Variants in ANO1 observed in about 807,000 individuals in gnomAD.
ANO1 encodes the protein anoctamin 1, also known as anoctamin-1.
ANO1 carries 59 observed loss-of-function variants against 124.0 expected under a neutral mutation model. That is an observed-to-expected ratio of 0.48 (90% confidence interval 0.39 to 0.59). The LOEUF (loss-of-function observed/expected upper bound fraction) is 0.59, where lower values mean the gene tolerates loss of function less well. Among genes scored for constraint, ANO1 ranks in the 20% least tolerant of loss-of-function variants. ANO1 has a pLI of 0.00. For synonymous variants in ANO1, 529 were observed against 532.0 expected (o/e 0.99, Z 0.08); for missense variants, 1,059 against 1,328.0 (o/e 0.80, Z 3.15).
At position 70,169,533 on chromosome 11, in the gene ANO1, C is replaced by T. The variant is rs1017106679; in HGVS notation, c.2198-1354C>T. On this transcript the variant is annotated intron_variant, in intron 21 of 25. Coordinates refer to ENST00000355303, the MANE Select transcript of ANO1 (RefSeq NM_018043.7). Reference sequence around the variant, plus strand: ...ATACCCTTAGTGCCAGAGTAGGCAGCGCCTCTCGGAAGTGAGGAAGCCCAC... The same window carrying T: ...ATACCCTTAGTGCCAGAGTAGGCAGTGCCTCTCGGAAGTGAGGAAGCCCAC... Among the ~76,000 whole-genome samples, 11 of 151,592 alleles carry T rather than the reference C, an allele frequency of 7.3e-5. No individual in the cohort carries two copies. In the Middle Eastern group the frequency reaches 0.01, roughly 141 times the overall value.
chr11:69,975,339 C>G, the ANO1 span, among the ~76,000 whole-genome samples: 1 of 152,226 alleles, frequency 6.6e-6, no homozygotes, highest in Non-Finnish European at 1.5e-5. Flanking sequence ...TGGACAGCCC[C>G]CCTCCCCAAA....
At chr11:70,152,956 C>A (rs1361921587) in intron 13 of ANO1, 101 bp from the exon 14 acceptor site, 3 of 996,106 alleles carry the variant, frequency 3.0e-6, no homozygotes, top group African/African-American at 3.2e-5. Flanking sequence ...CCAAAGGGTG[C>A]CCGAGGCTAA....
intron 1 of ANO1, among the ~76,000 whole-genome samples, chr11:69,999,854 G>A (rs1856348370): frequency 6.6e-6 from 1 of 152,196 alleles, no homozygotes; most frequent in African/African-American, 2.4e-5. Flanking sequence ...AGGCATTGGA[G>A]GCAGGAGGGA....
At chr11:70,052,195 C>T (rs1555006316) in intron 1 of ANO1, among the ~76,000 whole-genome samples, 1 of 152,258 alleles carries the variant, frequency 6.6e-6, no homozygotes, top group Non-Finnish European at 1.5e-5. Flanking sequence ...CTTTCCCACA[C>T]TGCACTACAG....
At chr11:70,147,557 C>T (rs1158334360) in intron 11 of ANO1, among the ~76,000 whole-genome samples, 4 of 152,210 alleles carry the variant, frequency 2.6e-5, no homozygotes, top group African/African-American at 4.8e-5. Flanking sequence ...TGGGGAGGCG[C>T]GTTCCCCAGG....
intron 1 of ANO1, among the ~76,000 whole-genome samples, chr11:69,988,375 AACTT>A (rs1242762595): frequency 1.3e-5 from 2 of 152,180 alleles, no homozygotes; most frequent in African/African-American, 4.8e-5. Context: ...GCCCTCGGCC[AACTT>A]ACTTAACCAC....
intron 2 of ANO1, among the ~76,000 whole-genome samples, chr11:70,101,248 G>T (rs187837676): frequency 6.6e-6 from 1 of 151,916 alleles, no homozygotes; most frequent in Admixed American, 6.6e-5. Context: ...CGAGGCTCTC[G>T]CTGGGTACAT....
At chr11:70,066,911 C>T (rs188555618) in intron 1 of ANO1, among the ~76,000 whole-genome samples, 7 of 152,246 alleles carry the variant, frequency 4.6e-5, no homozygotes, top group Middle Eastern at 3.4e-3. Flanking sequence ...TGCCTGTCCC[C>T]ACTCCCAGGC....
intron 11 of ANO1, among the ~76,000 whole-genome samples, chr11:70,139,167 A>AT (rs1250103444): frequency 1.3e-5 from 2 of 151,902 alleles, no homozygotes; most frequent in East Asian, 3.9e-4. Context: ...ATTCTTTTTT[A>AT]TTTTTTATCT....
chr11:70,162,340 G>A (rs1292283673), intron 18 of ANO1, among the ~76,000 whole-genome samples: 1 of 152,104 alleles, frequency 6.6e-6, no homozygotes, highest in Admixed American at 6.5e-5. Flanking sequence ...AGGGACTCCA[G>A]GCAGTGGGAA....
In ANO1 at chr11:70,087,864, C is replaced by T. The variant is rs1282388664; in HGVS notation, c.221C>T (p.Ser74Leu). Residue 74 changes from serine to leucine, a missense_variant, in exon 2 of 26, where the codon TCG becomes TTG. Ser to Leu is a moderately radical substitution (Grantham distance 145). Transcript: ENST00000355303. ...CTGGTGTACCATCACAAGAGGCCCT[C>T]GGGCAACCGGACCCTGGTCAGGAGG... ...YILVYHHKRP[S>L]GNRTLVRRVQ... The T allele has an allele frequency of 5.6e-6, 9 of 1,612,476 alleles. No homozygotes were observed. The highest frequency in any genetic ancestry group is 1.6e-4 in the Middle Eastern group (1 of 6,084).
intron 1 of ANO1, among the ~76,000 whole-genome samples, chr11:70,079,366 G>T (rs11233163): frequency 0.3 from 45,575 of 151,764 alleles, 7,173 homozygotes; most frequent in Admixed American, 0.33. Flanking sequence ...TCCCCTGGGC[G>T]CCCAGGCCTG....
intron 1 of ANO1, among the ~76,000 whole-genome samples, chr11:70,049,431 T>C (rs1857314111): frequency 6.6e-6 from 1 of 152,222 alleles, no homozygotes; most frequent in Non-Finnish European, 1.5e-5. Flanking sequence ...AAAGTTGTCT[T>C]GAAGATGACC....
chr11:70,045,744 G>T (rs2135067725), intron 1 of ANO1, among the ~76,000 whole-genome samples: 1 of 152,250 alleles, frequency 6.6e-6, no homozygotes, highest in Non-Finnish European at 1.5e-5. Context: ...TTCAAGATGA[G>T]CTCTCCTCAG....
intron 9 of ANO1, among the ~76,000 whole-genome samples, chr11:70,125,146 C>T (rs1203593130): frequency 6.6e-6 from 1 of 151,658 alleles, no homozygotes; most frequent in Non-Finnish European, 1.5e-5. Context: ...AGTTCGAGAC[C>T]AGCCTGGCCA....
chr11:70,078,523 C>T lies in ANO1; in HGVS notation c.-84C>T. On this transcript the variant is annotated 5_prime_UTR_variant, in exon 1 of 26. Transcript: ENST00000355303. Reference sequence around the variant, plus strand: ...GCCCCCTGCGAGCGCGCCGCGAACGCTGCGGTCTCCGCCCGCAGAGGCCGC... The same window carrying T: ...GCCCCCTGCGAGCGCGCCGCGAACGTTGCGGTCTCCGCCCGCAGAGGCCGC... The T allele has an allele frequency of 1.1e-6, 1 of 881,076 alleles. No homozygotes were observed. The highest frequency in any genetic ancestry group is 1.5e-6 in the Non-Finnish European group (1 of 675,478). 54.6% of individuals were successfully genotyped at this position (881,076 alleles called of 1,614,324 possible).
intron 24 of ANO1, 130 bp downstream of exon 24, chr11:70,182,816 G>C: frequency 1.4e-6 from 1 of 704,036 alleles, no homozygotes; most frequent in Non-Finnish European, 2.0e-6. Context: ...GAAGAAGAAG[G>C]AAAAAAAAAA....
At chr11:70,069,139 G>T (rs1857805347) in intron 1 of ANO1, among the ~76,000 whole-genome samples, 1 of 152,220 alleles carries the variant, frequency 6.6e-6, no homozygotes, top group Non-Finnish European at 1.5e-5. Context: ...GGGGTTCTTT[G>T]CTTTTACCCT....
the ANO1 span, among the ~76,000 whole-genome samples, chr11:69,968,140 G>T: frequency 6.6e-6 from 1 of 152,206 alleles, no homozygotes; most frequent in Non-Finnish European, 1.5e-5. Flanking sequence ...GAGCAAGTGA[G>T]GAAGCTGACC....
Sources: allele counts gnomAD v4.1 joint callset (sites outside exome capture counted in the v4.1 genomes callset), GRCh38; gene constraint gnomAD v4.1.1; transcripts MANE v1.5; gene names NCBI Gene and HGNC (gene_info 2026-07-23, HGNC 2026-07-21).